Variants in AFAP1L2 observed in about 807,000 individuals in gnomAD.
AFAP1L2 encodes the protein actin filament associated protein 1 like 2.
In AFAP1L2, 46 loss-of-function variants were observed where a neutral mutation model predicts 99.3. The observed-to-expected ratio is 0.46, with a 90% CI of 0.37 to 0.59. The LOEUF (loss-of-function observed/expected upper bound fraction) is 0.59, where lower values mean the gene tolerates loss of function less well. AFAP1L2 is among the 20% of genes least tolerant of loss of function. The pLI, the probability that AFAP1L2 is intolerant of heterozygous loss-of-function variation, is 0.00. For missense variants in AFAP1L2, 959 were observed against 1,034.9 expected (o/e 0.93, Z 1.01); for synonymous variants, 397 against 419.1 (o/e 0.95, Z 0.64).
intron 7 of AFAP1L2, among the ~76,000 whole-genome samples, 184 bp from the exon 8 acceptor site, chr10:114,310,627 C>A (rs553681121): frequency 6.6e-6 from 1 of 152,228 alleles, no homozygotes; most frequent in Non-Finnish European, 1.5e-5. Flanking sequence ...TCAGACCCAG[C>A]TGGGCAGGCT....
intron 1 of AFAP1L2, among the ~76,000 whole-genome samples, chr10:114,394,434 T>TGGG (rs1391591577): frequency 7.6e-6 from 1 of 132,064 alleles, no homozygotes; most frequent in African/African-American, 2.9e-5. Context: ...ACCAGAGGCC[T>TGGG]GGGGACCAGG....
chr10:114,303,707 G>T (rs2041632291), intron 11 of AFAP1L2, among the ~76,000 whole-genome samples: 1 of 152,138 alleles, frequency 6.6e-6, no homozygotes, highest in Non-Finnish European at 1.5e-5. Flanking sequence ...TTCCTAGCAG[G>T]TCCCTTCTTG....
Position 114,297,348 on chromosome 10 carries a change from C to G in AFAP1L2, c.2179G>C (p.Glu727Gln). The G allele has an allele frequency of 6.2e-7, 1 of 1,613,860 alleles. No homozygotes were observed. Among genetic ancestry groups the G allele is most frequent in the Non-Finnish European group, 8.5e-7 (1 of 1,180,020 alleles). The change falls in exon 17 of 19, where the codon GAG (glutamate) becomes CAG (glutamine). Residue 727 changes from glutamate (E) to glutamine (Q), a missense_variant. Physicochemically the swap from Glu to Gln is conservative, Grantham distance 29 (BLOSUM62 2). This residue lies in a region of AFAP1L2 where 576 missense variants were observed against 562.1 expected (regional missense o/e 1.02). Coordinates refer to ENST00000304129, the MANE Select transcript of AFAP1L2 (RefSeq NM_001001936.3). ...AGCTCCAGGTCCACGCGCCTGCTCT[C>G]CTCGCCCCGGCACTCCTCGTCAATT... ...KEIDEECRGE[E>Q]SRRVDLELSI...
intron 4 of AFAP1L2, among the ~76,000 whole-genome samples, chr10:114,324,370 A>C (rs1222314440): frequency 7.0e-6 from 1 of 143,528 alleles, no homozygotes; most frequent in Non-Finnish European, 1.5e-5. Flanking sequence ...CAGTTTCCCG[A>C]GTAGTTGGGA....
chr10:114,292,137 G>A (rs2039660011), downstream of AFAP1L2, among the ~76,000 whole-genome samples: 1 of 151,998 alleles, frequency 6.6e-6, no homozygotes, highest in South Asian at 2.1e-4. Flanking sequence ...GGTAGCCGGG[G>A]GTGGTGGTGG....
At chr10:114,282,151 A>G in the AFAP1L2 span, among the ~76,000 whole-genome samples, 1 of 152,012 alleles carries the variant, frequency 6.6e-6, no homozygotes, top group African/African-American at 2.4e-5. Context: ...TTACAGGCAC[A>G]TGCCACCACG....
At chr10:114,288,246 C>G in the AFAP1L2 span, among the ~76,000 whole-genome samples, 1 of 152,210 alleles carries the variant, frequency 6.6e-6, no homozygotes, top group Non-Finnish European at 1.5e-5. Flanking sequence ...TTCTCCCAGT[C>G]TTGTTATGTT....
At chr10:114,376,839 T>C (rs1304359054) in intron 1 of AFAP1L2, among the ~76,000 whole-genome samples, 1 of 152,098 alleles carries the variant, frequency 6.6e-6, no homozygotes, top group Non-Finnish European at 1.5e-5. Flanking sequence ...GGAAGAATAA[T>C]AGACCACCCA....
chr10:114,297,781 C>A (rs560956376), intron 16 of AFAP1L2, among the ~76,000 whole-genome samples: 1 of 152,164 alleles, frequency 6.6e-6, no homozygotes, highest in South Asian at 2.1e-4. Flanking sequence ...ACCTGCCCTA[C>A]CAAGTTCCCT....
At chr10:114,302,933 T>G (rs2041476625) in intron 11 of AFAP1L2, among the ~76,000 whole-genome samples, 1 of 152,214 alleles carries the variant, frequency 6.6e-6, no homozygotes, top group Non-Finnish European at 1.5e-5. Flanking sequence ...ACTTCCTGGA[T>G]CCCCAAGAAA....
intron 9 of AFAP1L2, among the ~76,000 whole-genome samples, 193 bp from the exon 10 acceptor site, chr10:114,308,102 T>C (rs2042698663): frequency 6.6e-6 from 1 of 152,214 alleles, no homozygotes; most frequent in Non-Finnish European, 1.5e-5. Flanking sequence ...GTCAGGTGTC[T>C]TTAAAGTCAC....
downstream of AFAP1L2, chr10:114,291,231 C>A (rs189946618): frequency 1.9e-5 from 30 of 1,550,364 alleles, no homozygotes; most frequent in Non-Finnish European, 2.6e-5. Flanking sequence ...TCTTGAGACG[C>A]CCCTGAGGCA....
chr10:114,360,490 TA>T (rs2052118596), intron 1 of AFAP1L2, among the ~76,000 whole-genome samples: 1 of 107,812 alleles, frequency 9.3e-6, no homozygotes, highest in African/African-American at 4.0e-5. Context: ...AATATCTAGA[TA>T]GATAGATAGA....
Position 114,304,800 on chromosome 10 carries a change from G to C in AFAP1L2, c.1203C>G (p.Cys401Trp). 6.2e-7 allele frequency: 1 copy of C among 1,613,262 alleles called. No homozygotes were observed. Among genetic ancestry groups the C allele is most frequent in the African/African-American group, 1.3e-5 (1 of 75,024 alleles). The change falls in exon 11 of 19, where the codon TGC becomes TGG. Residue 401 changes from cysteine (C) to tryptophan (W), a missense_variant. Transcript: ENST00000304129. ...CGGGGCTGGGGTCTGGGACCACCTCGCAGCCCACCAGGCTGAGGGGTTGCT... is the reference window on the plus strand; with the variant it reads ...CGGGGCTGGGGTCTGGGACCACCTCCCAGCCCACCAGGCTGAGGGGTTGCT... ...VAQQPLSLVG[C>W]EVVPDPSPDH...
Position 114,315,675 on chromosome 10 carries a change from G to A in AFAP1L2, c.497C>T (p.Pro166Leu), listed in dbSNP as rs747111595. 1.9e-5 allele frequency: 30 copies of A among 1,613,714 alleles called. No individual in the cohort carries two copies. Among genetic ancestry groups the A allele is most frequent in the African/African-American group, 8.0e-5 (6 of 74,954 alleles). Residue 166 changes from proline to leucine, a missense_variant, in exon 6 of 19, where the codon CCG becomes CTG. Transcript: ENST00000304129. The stretch of plus-strand genomic sequence containing the variant: ...ACGCATCAGCTCGATGCCGGCCTCC[G>A]GCGAGGGCCACTGGTAAGGGGCCGA... ...GKSAPYQWPSPEAGIELMRDA... is the reference protein window; with the variant it reads ...GKSAPYQWPSLEAGIELMRDA...
chr10:114,300,223 ACAGGTGGGCTGGCAC>A lies in AFAP1L2; in HGVS notation c.1913_1927del (p.Gly638_Pro642del), dbSNP rs1486168516. ...ACTGGTCACGCGCAACCTGTCCTTC[ACAGGTGGGCTGGCAC>A]CAGGTGGGGTGGCCACCACGGCATC... On this transcript the variant is annotated inframe_deletion, in exon 15 of 19. Coordinates refer to ENST00000304129, the MANE Select transcript of AFAP1L2 (RefSeq NM_001001936.3). The A allele has an allele frequency of 5.0e-6, 8 of 1,614,144 alleles. No homozygotes were observed. Among genetic ancestry groups the A allele is most frequent in the Non-Finnish European group, 6.8e-6 (8 of 1,180,028 alleles).
At chr10:114,328,763 G>C (rs1047542705) in intron 4 of AFAP1L2, among the ~76,000 whole-genome samples, 2 of 152,236 alleles carry the variant, frequency 1.3e-5, no homozygotes, top group African/African-American at 4.8e-5. Context: ...AAGAGTGATG[G>C]CTGCTTCAGC....
chr10:114,322,677 CG>C (rs2045566385), intron 5 of AFAP1L2, among the ~76,000 whole-genome samples: 1 of 152,192 alleles, frequency 6.6e-6, no homozygotes, highest in Non-Finnish European at 1.5e-5. Context: ...TTTTCTCTCA[CG>C]GAATGTCAGT....
chr10:114,330,552 T>G (rs1427236850), intron 4 of AFAP1L2, among the ~76,000 whole-genome samples: 1 of 152,036 alleles, frequency 6.6e-6, no homozygotes, highest in African/African-American at 2.4e-5. Flanking sequence ...CACACAGTGG[T>G]GGGGGGGCTG....
Sources: allele counts gnomAD v4.1 joint callset (sites outside exome capture counted in the v4.1 genomes callset), GRCh38; gene constraint gnomAD v4.1.1; regional missense constraint gnomAD v4.1.1; transcripts MANE v1.5; gene names NCBI Gene and HGNC (gene_info 2026-07-23, HGNC 2026-07-21).